BCAS1: variants seen among roughly 807,000 people sequenced by gnomAD.
The protein encoded by BCAS1 is brain enriched myelin associated protein 1, also known as breast carcinoma-amplified sequence 1.
Under a neutral mutation model 65.4 loss-of-function variants are expected in BCAS1, and 46 were observed. The ratio of observed to expected loss-of-function variants is 0.70; its 90% CI spans 0.55 to 0.90. The LOEUF is 0.90. Among genes scored for constraint, BCAS1 ranks in the 40% least tolerant of loss-of-function variants. The pLI, the probability that BCAS1 is intolerant of heterozygous loss-of-function variation, is 0.00. For missense variants in BCAS1, 793 were observed against 771.2 expected (o/e 1.03, Z -0.33); for synonymous variants, 298 against 293.5 (o/e 1.02, Z -0.16).
intron 10 of BCAS1, among the ~76,000 whole-genome samples, chr20:53,961,834 C>A (rs974835531): frequency 4.6e-5 from 7 of 152,154 alleles, no homozygotes; most frequent in Non-Finnish European, 1.0e-4. Context: ...GCTCCCGGAC[C>A]GTGGAAAAAT....
At chr20:54,046,258 G>C (rs575725660) in intron 3 of BCAS1, among the ~76,000 whole-genome samples, 1 of 151,938 alleles carries the variant, frequency 6.6e-6, no homozygotes, top group Non-Finnish European at 1.5e-5. Flanking sequence ...GGCCGGGTGC[G>C]GTGGCTCATG....
intron 6 of BCAS1, among the ~76,000 whole-genome samples, chr20:53,994,789 T>C (rs1028915842): frequency 6.6e-6 from 1 of 152,120 alleles, no homozygotes; most frequent in Non-Finnish European, 1.5e-5. Context: ...TCTTTCAAGC[T>C]TTCCAGTAAA....
chr20:54,008,588 C>T (rs11699406), intron 4 of BCAS1, among the ~76,000 whole-genome samples: 47,841 of 152,000 alleles, frequency 0.31, 7,875 homozygotes, highest in South Asian at 0.4. Flanking sequence ...AATGAGGTAG[C>T]AGCCCCAGTA....
At chr20:54,024,606 C>T (rs1004212005) in intron 4 of BCAS1, among the ~76,000 whole-genome samples, 3 of 152,104 alleles carry the variant, frequency 2.0e-5, no homozygotes, top group African/African-American at 4.8e-5. Context: ...AGGAAATAAG[C>T]GTAGTTAGAG....
intron 10 of BCAS1, among the ~76,000 whole-genome samples, chr20:53,960,318 C>A (rs1210045891): frequency 6.6e-6 from 1 of 152,146 alleles, no homozygotes; most frequent in East Asian, 1.9e-4. Context: ...AATTTGCTTT[C>A]TTTCCCCCCA....
chr20:53,973,201 C>G (rs1225072001), intron 9 of BCAS1, among the ~76,000 whole-genome samples: 1 of 152,028 alleles, frequency 6.6e-6, no homozygotes, highest in Admixed American at 6.5e-5. Context: ...TGCACTCCAG[C>G]CTGGGTGAAA....
intron 3 of BCAS1, among the ~76,000 whole-genome samples, chr20:54,040,486 A>AGCC (rs2091971008): frequency 6.6e-6 from 1 of 151,336 alleles, no homozygotes; most frequent in Admixed American, 6.6e-5. Context: ...TGGAAAAATT[A>AGCC]GCCAGGAAAC....
At chr20:54,003,883 A>G (rs910532380) in intron 4 of BCAS1, among the ~76,000 whole-genome samples, 3 of 152,260 alleles carry the variant, frequency 2.0e-5, no homozygotes, top group African/African-American at 7.2e-5. Flanking sequence ...TGAACTTTTA[A>G]AAACTAACTC....
chr20:54,011,768 G>A (rs1053056715), intron 4 of BCAS1, among the ~76,000 whole-genome samples: 5 of 152,166 alleles, frequency 3.3e-5, no homozygotes, highest in Admixed American at 2.0e-4. Flanking sequence ...TACTCTGGGG[G>A]CTGAGACGGG....
chr20:53,995,254 A>G (rs1055258003), intron 5 of BCAS1, among the ~76,000 whole-genome samples, 198 bp from the exon 6 acceptor site: 10 of 152,212 alleles, frequency 6.6e-5, no homozygotes, highest in Non-Finnish European at 1.5e-5. Context: ...TTATAATGAG[A>G]TACATCTGAT....
At chr20:54,001,479 G>A (rs1464918382) in intron 4 of BCAS1, among the ~76,000 whole-genome samples, 1 of 152,150 alleles carries the variant, frequency 6.6e-6, no homozygotes, top group African/African-American at 2.4e-5. Flanking sequence ...CACCTCCCCA[G>A]TTGTTCTTAT....
intron 3 of BCAS1, among the ~76,000 whole-genome samples, chr20:54,057,132 G>C (rs1481384723): frequency 1.3e-5 from 2 of 152,146 alleles, no homozygotes; most frequent in African/African-American, 2.4e-5. Context: ...TGAATATACA[G>C]TCTTATACTC....
intron 3 of BCAS1, among the ~76,000 whole-genome samples, chr20:54,054,987 C>T (rs946337753): frequency 2.0e-5 from 3 of 151,952 alleles, no homozygotes; most frequent in African/African-American, 7.3e-5. Flanking sequence ...TGTTAACACA[C>T]ATGCATAATA....
At chr20:54,057,918 T>A (rs111344138) in intron 3 of BCAS1, among the ~76,000 whole-genome samples, 167 bp downstream of exon 3, 3 of 152,238 alleles carry the variant, frequency 2.0e-5, no homozygotes, top group African/African-American at 7.2e-5. Flanking sequence ...TACATTTCTG[T>A]TGCTTAAGCC....
chr20:53,995,242 T>A (rs1408287904), intron 5 of BCAS1, among the ~76,000 whole-genome samples, 186 bp from the exon 6 acceptor site: 2 of 152,172 alleles, frequency 1.3e-5, no homozygotes, highest in Non-Finnish European at 2.9e-5. Context: ...AAAATTAATA[T>A]CTTATAATGA....
At chr20:54,042,647 G>A (rs2092020587) in intron 3 of BCAS1, among the ~76,000 whole-genome samples, 1 of 152,198 alleles carries the variant, frequency 6.6e-6, no homozygotes, top group Non-Finnish European at 1.5e-5. Flanking sequence ...ATGGGGCTTG[G>A]GGAGCCATCA....
chr20:53,972,753 C>T (rs2090212986), intron 9 of BCAS1, among the ~76,000 whole-genome samples: 1 of 152,162 alleles, frequency 6.6e-6, no homozygotes. Context: ...ATTTCAGGCA[C>T]TGAAGTAAGC....
chr20:53,944,613 C>T lies in BCAS1; in HGVS notation c.*309G>A, dbSNP rs940042013. ...CGAGAGCCACCACGCCCGGCCACCA[C>T]TGCCATTTTCATCACTTAACCCGAA... On this transcript the variant is annotated 3_prime_UTR_variant, in exon 13 of 13. Transcript: ENST00000688948. The T allele has an allele frequency of 5.5e-5, 16 of 292,626 alleles. No homozygotes were observed. The South Asian group carries it at 6.4e-4, about 12-fold the overall frequency. The allele number at this position is 292,626 out of a possible 1,614,324, so 18.1% of individuals were successfully genotyped here.
chr20:54,027,630 T>A (rs1464772093), intron 4 of BCAS1, among the ~76,000 whole-genome samples: 3 of 152,194 alleles, frequency 2.0e-5, no homozygotes, highest in African/African-American at 4.8e-5. Flanking sequence ...TTTACTTCCT[T>A]CTTCTTTTAA....
Sources: gnomAD v4.1 joint callset for allele counts (sites outside exome capture counted in the v4.1 genomes callset) on GRCh38, gnomAD v4.1.1 for gene constraint, MANE v1.5 for transcripts, NCBI Gene and HGNC (gene_info 2026-07-23, HGNC 2026-07-21) for gene names.